The following PBX1 variants were observed in gnomAD, a reference collection of about 807,000 sequenced individuals.
PBX1 encodes PBX homeobox 1.
PBX1 carries 6 observed loss-of-function variants against 53.4 expected under a neutral mutation model. The observed-to-expected ratio is 0.11, with a 90% confidence interval of 0.06 to 0.22. The LOEUF (loss-of-function observed/expected upper bound fraction) is 0.22, where lower values mean the gene tolerates loss of function less well. Ranked by LOEUF, PBX1 falls within the 10% of genes least tolerant of loss-of-function variation. PBX1 has a pLI of 1.00. For synonymous variants in PBX1, 204 were observed against 212.3 expected (o/e 0.96, Z 0.34); for missense variants, 251 against 551.4 (o/e 0.46, Z 5.46).
chr1:164,700,209 G>T (rs1034336447), intron 2 of PBX1, among the ~76,000 whole-genome samples: 1 of 152,134 alleles, frequency 6.6e-6, no homozygotes, highest in African/African-American at 2.4e-5. Context: ...CTTCAGGCAG[G>T]GAAGCCAGCG....
At chr1:164,789,065 C>T (rs1668353507) in intron 2 of PBX1, among the ~76,000 whole-genome samples, 1 of 152,146 alleles carries the variant, frequency 6.6e-6, no homozygotes, top group African/African-American at 2.4e-5. Context: ...ATCCTTCATA[C>T]CTGAAAGAAA....
intron 2 of PBX1, among the ~76,000 whole-genome samples, chr1:164,595,055 A>G (rs1300275340): frequency 6.6e-6 from 1 of 152,246 alleles, no homozygotes; most frequent in Non-Finnish European, 1.5e-5. Context: ...TATGCAGTCT[A>G]TAGCCTGGGC....
At chr1:164,865,181 A>G (rs1054571555) in intron 2 of PBX1, among the ~76,000 whole-genome samples, 2 of 152,234 alleles carry the variant, frequency 1.3e-5, no homozygotes, top group African/African-American at 2.4e-5. Flanking sequence ...GATGAAACTG[A>G]GATGAGGGGA....
intron 2 of PBX1, among the ~76,000 whole-genome samples, chr1:164,870,271 T>TCCTTCCC (rs1672331865): frequency 3.9e-4 from 6 of 15,568 alleles, no homozygotes; most frequent in Middle Eastern, 0.024. Context: ...CCTTCCTTCT[T>TCCTTCCC]TCTTTCTTTC....
At chr1:164,700,775 G>A in intron 2 of PBX1, 1 of 972,416 alleles carries the variant, frequency 1.0e-6, no homozygotes, top group Non-Finnish European at 1.2e-6. Flanking sequence ...CTTGTGTTGG[G>A]TTTCTATGAC....
chr1:164,883,900 G>T (rs896764762), intron 2 of PBX1, among the ~76,000 whole-genome samples: 1 of 152,166 alleles, frequency 6.6e-6, no homozygotes, highest in Admixed American at 6.6e-5. Flanking sequence ...AAGAGGACAG[G>T]TGTCTAACAC....
Position 164,722,784 on chromosome 1 carries a change from A to G in PBX1, c.266-69710A>G, listed in dbSNP as rs555472745. ...TTGAACCCTTTGAAGAAGGGTATGA[A>G]CTTCACAAAGGGTGCAGAAGCACTG... On this transcript the variant is annotated intron_variant, in intron 2 of 8. Transcript: ENST00000420696. Among the ~76,000 whole-genome samples, 4 of 149,512 alleles carry G rather than the reference A, an allele frequency of 2.7e-5. No individual in the cohort carries two copies. In the South Asian group the frequency reaches 8.9e-4, roughly 33 times the overall value.
chr1:164,681,804 A>G (rs985359818), intron 2 of PBX1, among the ~76,000 whole-genome samples: 3 of 151,790 alleles, frequency 2.0e-5, no homozygotes, highest in Admixed American at 1.3e-4. Context: ...TAACAAACCT[A>G]CACATGCACC....
chr1:164,820,306 C>T, intron 7 of PBX1, 122 bp downstream of exon 7: 1 of 609,058 alleles, frequency 1.6e-6, no homozygotes, highest in Non-Finnish European at 2.9e-6. Flanking sequence ...CAAAACCTTA[C>T]CAACGACCGA....
chr1:164,671,849 TG>T (rs1661133126), intron 2 of PBX1, among the ~76,000 whole-genome samples: 1 of 152,166 alleles, frequency 6.6e-6, no homozygotes, highest in African/African-American at 2.4e-5. Flanking sequence ...CCAGCCCAAC[TG>T]GGAGCTCATC....
chr1:164,640,704 C>T (rs1308638208), intron 2 of PBX1, among the ~76,000 whole-genome samples: 1 of 151,774 alleles, frequency 6.6e-6, no homozygotes, highest in African/African-American at 2.4e-5. Flanking sequence ...TTACAGATGC[C>T]CACCACCATG....
intron 2 of PBX1, among the ~76,000 whole-genome samples, chr1:164,637,529 G>C (rs1658854694): frequency 6.6e-6 from 1 of 152,158 alleles, no homozygotes; most frequent in African/African-American, 2.4e-5. Context: ...CCAAAGGCAG[G>C]AGGTAGGGTG....
In PBX1 at chr1:164,786,714, T is replaced by TGCGCGC. The variant is rs1483376318; in HGVS notation, c.266-5779_266-5778insCGCGCG. 2.8e-4 allele frequency among the ~76,000 whole-genome samples: 32 copies of TGCGCGC among 113,470 alleles called. No individual in the cohort carries two copies. The East Asian group carries it at 4.4e-3, about 15-fold the overall frequency. The allele number at this position is 113,470 out of a possible 152,430, so 74.4% of individuals were successfully genotyped here. On this transcript the variant is annotated intron_variant, in intron 2 of 8. Coordinates refer to ENST00000420696, the MANE Select transcript of PBX1 (RefSeq NM_002585.4). ...GTGTGTGTGTGTGTGTGTGTGTGTG[T>TGCGCGC]GTGTGTGCGCGCGCACACACACACA... is the stretch of plus-strand genomic sequence containing the variant.
chr1:164,619,514 G>A (rs1321094533), intron 2 of PBX1, among the ~76,000 whole-genome samples: 1 of 151,986 alleles, frequency 6.6e-6, no homozygotes, highest in African/African-American at 2.4e-5. Flanking sequence ...CAAGGCAGTG[G>A]GTGCTTTCTT....
chr1:164,697,962 G>C (rs1571240942), intron 2 of PBX1, among the ~76,000 whole-genome samples: 1 of 152,154 alleles, frequency 6.6e-6, no homozygotes, highest in Admixed American at 6.5e-5. Flanking sequence ...ATCCCAGTTG[G>C]TCTTAACTTT....
intron 2 of PBX1, chr1:164,639,508 G>A (rs550459912): frequency 6.6e-6 from 1 of 152,322 alleles, no homozygotes; most frequent in African/African-American, 2.4e-5. Flanking sequence ...AGAGCAGTGG[G>A]ATGATTTGTT....
intron 8 of PBX1, among the ~76,000 whole-genome samples, chr1:164,830,925 A>G (rs1360408956): frequency 1.3e-5 from 2 of 152,248 alleles, no homozygotes; most frequent in Admixed American, 6.5e-5. Context: ...TGTTAAGCAC[A>G]TTAAGTTTGA....
intron 8 of PBX1, among the ~76,000 whole-genome samples, chr1:164,839,157 T>C (rs1333401953): frequency 6.6e-6 from 1 of 152,208 alleles, no homozygotes; most frequent in Non-Finnish European, 1.5e-5. Context: ...AGGCTGATTT[T>C]CCGTAAGCCC....
In PBX1 at chr1:164,559,815, C is replaced by T. The variant is rs1557859760; in HGVS notation, c.-8C>T. The stretch of plus-strand genomic sequence containing the variant: ...AGGAAGAGCCGGGGGCTGCCGTAGC[C>T]TTTGGAGATGGACGAGCAGCCCAGG... On this transcript the variant is annotated 5_prime_UTR_variant, in exon 1 of 9. Coordinates refer to ENST00000420696, the MANE Select transcript of PBX1 (RefSeq NM_002585.4). 2.6e-6 allele frequency: 4 copies of T among 1,543,424 alleles called. No homozygotes were observed. The Admixed American group carries it at 5.9e-5, about 23-fold the overall frequency.
Sources: allele counts gnomAD v4.1 joint callset (sites outside exome capture counted in the v4.1 genomes callset), GRCh38; gene constraint gnomAD v4.1.1; transcripts MANE v1.5; gene names NCBI Gene and HGNC (gene_info 2026-07-23, HGNC 2026-07-21).